CRACD: variants seen among roughly 807,000 people sequenced by gnomAD.
The protein encoded by CRACD is capping protein inhibiting regulator of actin dynamics.
In CRACD, 56 loss-of-function variants were observed where a neutral mutation model predicts 106.8. That is an observed-to-expected ratio of 0.52 (90% confidence interval 0.42 to 0.66). The LOEUF (loss-of-function observed/expected upper bound fraction) is 0.66, where lower values mean the gene tolerates loss of function less well. Among genes scored for constraint, CRACD ranks in the 30% least tolerant of loss-of-function variants. CRACD has a pLI of 0.00. For missense variants in CRACD, 1,730 were observed against 1,623.2 expected (o/e 1.07, Z -1.13); for synonymous variants, 754 against 670.8 (o/e 1.12, Z -1.92).
chr4:56,193,586 G>A (rs983487455), intron 2 of CRACD, among the ~76,000 whole-genome samples: 1 of 152,168 alleles, frequency 6.6e-6, no homozygotes, highest in African/African-American at 2.4e-5. Flanking sequence ...GAAAAATGCA[G>A]TATGAGTAGA....
chr4:56,096,039 G>A (rs189359856), intron 1 of CRACD, among the ~76,000 whole-genome samples: 57 of 152,236 alleles, frequency 3.7e-4, no homozygotes, highest in African/African-American at 1.4e-3. Context: ...AGTTGGTTTG[G>A]TATATATTGA....
intron 2 of CRACD, among the ~76,000 whole-genome samples, chr4:56,259,011 G>A (rs1034802834): frequency 1.6e-4 from 25 of 152,114 alleles, no homozygotes; most frequent in African/African-American, 5.3e-4. Flanking sequence ...AGATTCAGTC[G>A]CTCACACTCT....
chr4:56,279,517 T>A (rs1372408652), intron 3 of CRACD, among the ~76,000 whole-genome samples: 1 of 152,106 alleles, frequency 6.6e-6, no homozygotes, highest in Admixed American at 6.6e-5. Flanking sequence ...AGAAGACATT[T>A]ATGCAGCCGA....
intron 1 of CRACD, among the ~76,000 whole-genome samples, chr4:56,128,986 G>A (rs1031085451): frequency 6.6e-6 from 1 of 151,862 alleles, no homozygotes; most frequent in Non-Finnish European, 1.5e-5. Flanking sequence ...TTATTTTTGG[G>A]ACCTATTTTT....
In CRACD at chr4:56,327,926, C is replaced by T. The variant is rs577369634; in HGVS notation, c.*122C>T. 2.2e-5 allele frequency: 19 copies of T among 861,388 alleles called. No homozygotes were observed. The South Asian group carries it at 3.9e-4, about 18-fold the overall frequency. 53.4% of individuals were successfully genotyped at this position (861,388 alleles called of 1,614,324 possible). A position where few individuals can be genotyped will look rare whatever the true frequency, so the allele number is the denominator to read the frequency against. ...GGAAAAGAAGCATGTTTTATAGGCT[C>T]CAAAATAATGTTTAGAAACTGAACT... On this transcript the variant is annotated 3_prime_UTR_variant, in exon 11 of 11. Coordinates refer to ENST00000682029, the MANE Select transcript of CRACD (RefSeq NM_001393381.1).
chr4:56,317,581 G>A (rs1560540513), intron 8 of CRACD, among the ~76,000 whole-genome samples: 1 of 152,180 alleles, frequency 6.6e-6, no homozygotes, highest in African/African-American at 2.4e-5. Flanking sequence ...AAACTGGAGT[G>A]TCCCCTACCA....
intron 1 of CRACD, among the ~76,000 whole-genome samples, chr4:56,101,760 CAAAA>C (rs60106850): frequency 1.1e-4 from 11 of 103,294 alleles, no homozygotes; most frequent in Admixed American, 3.0e-4. Context: ...AAGACTGTCT[CAAAA>C]AAAAAAAAAA....
intron 1 of CRACD, among the ~76,000 whole-genome samples, chr4:56,137,529 A>G (rs1037635745): frequency 2.0e-5 from 3 of 152,220 alleles, no homozygotes; most frequent in Admixed American, 2.0e-4. Context: ...TCACTGCCCT[A>G]CACACTGTTG....
chr4:56,283,425 G>A (rs1466655579), intron 3 of CRACD, among the ~76,000 whole-genome samples: 1 of 152,154 alleles, frequency 6.6e-6, no homozygotes, highest in East Asian at 1.9e-4. Context: ...TCCCTTTTAG[G>A]GAGTTGTCTT....
chr4:56,084,375 A>G (rs1476212007), intron 1 of CRACD, among the ~76,000 whole-genome samples: 1 of 152,180 alleles, frequency 6.6e-6, no homozygotes, highest in Admixed American at 6.5e-5. Flanking sequence ...GGAACACTCA[A>G]TAAAGACACT....
chr4:56,207,893 C>T (rs987848569), intron 2 of CRACD, among the ~76,000 whole-genome samples: 5 of 150,656 alleles, frequency 3.3e-5, no homozygotes, highest in African/African-American at 9.8e-5. Flanking sequence ...ACTGTCTTGG[C>T]TCACTGCTGC....
At chr4:56,118,471 T>G (rs1037887221) in intron 1 of CRACD, among the ~76,000 whole-genome samples, 1 of 152,208 alleles carries the variant, frequency 6.6e-6, no homozygotes, top group African/African-American at 2.4e-5. Context: ...AGTGGGGCAG[T>G]CGAGCCACAA....
chr4:56,098,717 A>T (rs1263693501), intron 1 of CRACD, among the ~76,000 whole-genome samples: 1 of 152,132 alleles, frequency 6.6e-6, no homozygotes, highest in Non-Finnish European at 1.5e-5. Context: ...TTTGAGACAG[A>T]GGCTTGCTCT....
chr4:56,152,938 A>G (rs1048910559), intron 1 of CRACD, among the ~76,000 whole-genome samples: 2 of 152,126 alleles, frequency 1.3e-5, no homozygotes, highest in African/African-American at 2.4e-5. Context: ...CCACCTGAGT[A>G]CTTCCAGTTG....
At chr4:56,234,172 G>A (rs191796054) in intron 2 of CRACD, among the ~76,000 whole-genome samples, 10 of 151,946 alleles carry the variant, frequency 6.6e-5, no homozygotes, top group Non-Finnish European at 7.4e-5. Context: ...TCACAGTGTC[G>A]TGCAACCATC....
intron 2 of CRACD, among the ~76,000 whole-genome samples, chr4:56,190,147 A>G (rs1420157682): frequency 6.6e-6 from 1 of 151,326 alleles, no homozygotes; most frequent in Admixed American, 6.6e-5. Context: ...AAGGACATGA[A>G]CTCATCATTT....
At chr4:56,144,707 G>A (rs1168898697) in intron 1 of CRACD, among the ~76,000 whole-genome samples, 1 of 150,280 alleles carries the variant, frequency 6.7e-6, no homozygotes, top group African/African-American at 2.4e-5. Flanking sequence ...CCAGGCTGGA[G>A]TGCAGTGGCA....
intron 2 of CRACD, among the ~76,000 whole-genome samples, chr4:56,258,640 C>G (rs917110205): frequency 6.6e-6 from 1 of 152,194 alleles, no homozygotes; most frequent in African/African-American, 2.4e-5. Context: ...TAGCCCCATT[C>G]TGAGACAGCC....
chr4:56,236,715 C>A (rs1048653959), intron 2 of CRACD, among the ~76,000 whole-genome samples: 3 of 149,724 alleles, frequency 2.0e-5, no homozygotes, highest in Non-Finnish European at 3.0e-5. Context: ...TTAGATGCAA[C>A]CAATAAAAAT....
Sources: gnomAD v4.1 joint callset for allele counts (sites outside exome capture counted in the v4.1 genomes callset) on GRCh38, gnomAD v4.1.1 for gene constraint, MANE v1.5 for transcripts, NCBI Gene and HGNC (gene_info 2026-07-23, HGNC 2026-07-21) for gene names.